The following RSF1 variants were observed in gnomAD, a reference collection of about 807,000 sequenced individuals.
RSF1 encodes the protein HBV pX-associated protein 8.
Under a neutral mutation model 145.2 loss-of-function variants are expected in RSF1, and 13 were observed. The observed-to-expected ratio is 0.09, with a 90% CI of 0.06 to 0.14. The LOEUF is 0.14. Ranked by LOEUF, RSF1 falls within the 10% of genes least tolerant of loss-of-function variation. The probability of loss-of-function intolerance (pLI) is 1.00; values close to 1 mark genes in which losing one functional copy is unlikely to be tolerated. For missense variants in RSF1, 1,517 were observed against 1,718.2 expected (o/e 0.88, Z 2.07); for synonymous variants, 577 against 592.6 (o/e 0.97, Z 0.38).
intron 1 of RSF1, among the ~76,000 whole-genome samples, chr11:77,817,587 C>A (rs1046117933): frequency 6.6e-6 from 1 of 152,128 alleles, no homozygotes; most frequent in Non-Finnish European, 1.5e-5. Flanking sequence ...AGTTTGGAAA[C>A]CATGATACTA....
intron 1 of RSF1, among the ~76,000 whole-genome samples, chr11:77,781,381 G>A (rs1948402580): frequency 6.6e-6 from 1 of 152,178 alleles, no homozygotes; most frequent in Non-Finnish European, 1.5e-5. Context: ...TTACAGATGT[G>A]AGCCACTGTG....
chr11:77,738,673 T>A (rs969777919), intron 4 of RSF1: 15 of 152,062 alleles, frequency 9.9e-5, no homozygotes, highest in African/African-American at 3.1e-4. Context: ...ACAGTATACA[T>A]TAGACATTTT....
At chr11:77,858,042 T>C in the RSF1 span, among the ~76,000 whole-genome samples, 1 of 151,950 alleles carries the variant, frequency 6.6e-6, no homozygotes, top group Non-Finnish European at 1.5e-5. Context: ...GTCCTAATGC[T>C]GTCCCTCACA....
intron 5 of RSF1, among the ~76,000 whole-genome samples, chr11:77,713,659 A>C (rs1960740671): frequency 6.6e-6 from 1 of 152,176 alleles, no homozygotes; most frequent in African/African-American, 2.4e-5. Context: ...TTTTCAGTAT[A>C]GCATTTTCTC....
chr11:77,809,335 T>C (rs980001263), intron 1 of RSF1, among the ~76,000 whole-genome samples: 1 of 152,198 alleles, frequency 6.6e-6, no homozygotes, highest in Non-Finnish European at 1.5e-5. Flanking sequence ...TATAAAATTA[T>C]GGTAAAGCAT....
chr11:77,673,502 G>A (rs1421677874), intron 14 of RSF1, among the ~76,000 whole-genome samples: 1 of 152,222 alleles, frequency 6.6e-6, no homozygotes, highest in African/African-American at 2.4e-5. Context: ...AGCCTAAATA[G>A]TGATGGGAAT....
At chr11:77,808,980 T>C (rs533637572) in intron 1 of RSF1, among the ~76,000 whole-genome samples, 3 of 152,320 alleles carry the variant, frequency 2.0e-5, no homozygotes, top group South Asian at 2.1e-4. Context: ...ACCACAACCA[T>C]AGTACTGTGG....
rs192201993 is a variant in RSF1 at position 77,705,019 on chromosome 11, G to C, written c.734-2524C>G. Reference sequence around the variant, plus strand: ...GCCCACCTTGGCCTCCCAAAATGCTGGGATTACAGGTGTGAGCCACCATGC... The same window carrying C: ...GCCCACCTTGGCCTCCCAAAATGCTCGGATTACAGGTGTGAGCCACCATGC... On this transcript the variant is annotated intron_variant, in intron 5 of 15. Coordinates refer to ENST00000308488, the MANE Select transcript of RSF1 (RefSeq NM_016578.4). Among the ~76,000 whole-genome samples, 68 of 152,182 alleles carry C rather than the reference G, an allele frequency of 4.5e-4. 1 individual carries two copies. The highest frequency in any genetic ancestry group is 1.5e-3 in the African/African-American group (64 of 41,516).
chr11:77,714,213 G>T (rs1960753083), intron 5 of RSF1, among the ~76,000 whole-genome samples: 1 of 152,156 alleles, frequency 6.6e-6, no homozygotes, highest in African/African-American at 2.4e-5. Context: ...CTTAATCCTG[G>T]AAAGGCTTTG....
rs1959760239 is a variant in RSF1 at position 77,678,131 on chromosome 11, T to C, written c.3088A>G (p.Ile1030Val). ...ATGTCATCTTCAATAGCTTCATCAA[T>C]TGCTTCATCAAACTCATCAAATCTA... ...SYRFDEFDEA[I>V]DEAIEDDIKE... is the part of the protein sequence containing the mutation. Residue 1030 changes from isoleucine to valine, a missense_variant, in exon 12 of 16, where the codon ATT becomes GTT. Coordinates refer to ENST00000308488, the MANE Select transcript of RSF1 (RefSeq NM_016578.4). 6.2e-7 allele frequency: 1 copy of C among 1,610,276 alleles called. No individual in the cohort carries two copies. The highest frequency in any genetic ancestry group is 8.5e-7 in the Non-Finnish European group (1 of 1,178,050).
chr11:77,831,042 C>A, the RSF1 span, among the ~76,000 whole-genome samples: 4 of 150,740 alleles, frequency 2.7e-5, no homozygotes, highest in African/African-American at 9.8e-5. Context: ...ACCTGTAGTC[C>A]CAGCTACTTG....
intron 1 of RSF1, among the ~76,000 whole-genome samples, chr11:77,769,016 C>T (rs1948255010): frequency 6.6e-6 from 1 of 152,170 alleles, no homozygotes; most frequent in East Asian, 1.9e-4. Context: ...TTAATAAACA[C>T]GTAGTAAGTT....
intron 4 of RSF1, among the ~76,000 whole-genome samples, chr11:77,737,303 C>A (rs1961377988): frequency 6.6e-6 from 1 of 151,894 alleles, no homozygotes; most frequent in African/African-American, 2.4e-5. Flanking sequence ...CAAAAATTAT[C>A]CAGGTGTGGT....
chr11:77,821,117 C>A, upstream of RSF1: 1 of 436,218 alleles, frequency 2.3e-6, no homozygotes, highest in East Asian at 3.5e-5. Context: ...GGGCGCTGTT[C>A]AACTGCAGGG....
At chr11:77,832,717 C>G in the RSF1 span, among the ~76,000 whole-genome samples, 31 of 151,340 alleles carry the variant, frequency 2.0e-4, no homozygotes, top group Non-Finnish European at 5.9e-5. Flanking sequence ...AAAAAGTCCT[C>G]CTACTCCCCA....
At chr11:77,793,259 C>CACTT (rs1948538477) in intron 1 of RSF1, among the ~76,000 whole-genome samples, 1 of 152,096 alleles carries the variant, frequency 6.6e-6, no homozygotes, top group South Asian at 2.1e-4. Flanking sequence ...GTGAGAGGAT[C>CACTT]ACTTTAGGTC....
At chr11:77,682,907 A>G (rs1235969067) in intron 11 of RSF1, among the ~76,000 whole-genome samples, 1 of 152,216 alleles carries the variant, frequency 6.6e-6, no homozygotes, top group Non-Finnish European at 1.5e-5. Flanking sequence ...CGATGCAGCA[A>G]ATGCAGAGAG....
the RSF1 span, among the ~76,000 whole-genome samples, chr11:77,826,095 G>A: frequency 7.2e-5 from 11 of 152,112 alleles, no homozygotes; most frequent in African/African-American, 1.9e-4. Flanking sequence ...AAAAATGAGC[G>A]GGTAGCCAGA....
At chr11:77,839,567 C>T in the RSF1 span, among the ~76,000 whole-genome samples, 1 of 152,124 alleles carries the variant, frequency 6.6e-6, no homozygotes, top group Non-Finnish European at 1.5e-5. Context: ...ATGGAATCAA[C>T]CCATATGCCC....
Sources: gnomAD v4.1 joint callset for allele counts (sites outside exome capture counted in the v4.1 genomes callset) on GRCh38, gnomAD v4.1.1 for gene constraint, MANE v1.5 for transcripts, NCBI Gene and HGNC (gene_info 2026-07-23, HGNC 2026-07-21) for gene names.